The following CLMP variants were observed in gnomAD, a reference collection of about 807,000 sequenced individuals.
CLMP encodes CXADR-like membrane protein.
CLMP carries 27 observed loss-of-function variants against 45.2 expected under a neutral mutation model. The observed-to-expected ratio is 0.60, with a 90% CI of 0.44 to 0.82. CLMP has a LOEUF of 0.82. Ranked by LOEUF, CLMP falls within the 40% of genes least tolerant of loss-of-function variation. The probability of loss-of-function intolerance (pLI) is 0.00; values close to 1 mark genes in which losing one functional copy is unlikely to be tolerated. For synonymous variants in CLMP, 167 were observed against 171.4 expected (o/e 0.97, Z 0.20); for missense variants, 403 against 448.4 (o/e 0.90, Z 0.91).
At chr11:123,114,317 A>G (rs1190168504) in intron 1 of CLMP, among the ~76,000 whole-genome samples, 3 of 152,286 alleles carry the variant, frequency 2.0e-5, no homozygotes, top group South Asian at 2.1e-4. Context: ...CTAATAACGA[A>G]GAGAGAAGAT....
chr11:123,102,279 G>GTTT lies in CLMP; in HGVS notation c.29-4330_29-4328dup, dbSNP rs1174991262. Among the ~76,000 whole-genome samples, 278 of 120,896 alleles carry GTTT rather than the reference G, an allele frequency of 2.3e-3. 7 individuals are homozygous for GTTT. Among genetic ancestry groups the GTTT allele is most frequent in the Middle Eastern group, 4.4e-3 (1 of 226 alleles). The allele number at this position is 120,896 out of a possible 152,430, so 79.3% of individuals were successfully genotyped here. ...TTGGCCCTTTGAGCTATCTTTCCAG[G>GTTT]TTTTTTTTTTTTTTTTTTTTGAGAT... On this transcript the variant is annotated intron_variant, in intron 1 of 6. Coordinates refer to ENST00000448775, the MANE Select transcript of CLMP (RefSeq NM_024769.5).
In CLMP at chr11:123,152,424, G is replaced by GA. The variant is rs534492976; in HGVS notation, c.28+42488dup. Among the ~76,000 whole-genome samples, 306 of 152,164 alleles carry GA rather than the reference G, an allele frequency of 2.0e-3. 1 individual carries two copies. Among genetic ancestry groups the GA allele is most frequent in the African/African-American group, 7.1e-3 (295 of 41,498 alleles). On this transcript the variant is annotated intron_variant, in intron 1 of 6. Transcript: ENST00000448775. ...TGTAATCCCAGCTACTCAGGAGGCTGAGGCAGGAGAATCACTTGAACCCGG... is the reference window on the plus strand; with the variant it reads ...TGTAATCCCAGCTACTCAGGAGGCTGAAGGCAGGAGAATCACTTGAACCCGG...
rs142110733 is a variant in CLMP, at chr11:123,083,098, T to C, written c.666A>G (p.Arg222=). The change falls in exon 5 of 7, where the codon CGA becomes CGG. Residue 222 remains arginine, a synonymous_variant. Coordinates refer to ENST00000448775, the MANE Select transcript of CLMP (RefSeq NM_024769.5). ...NEAGKESCVV[R]VTVQYVQSIG... ...TTGGATGCTTACACTGTACAGTTAC[T>C]CGCACCACACAGCTTTCCTTCCCAG... The C allele has an allele frequency of 4.3e-5, 70 of 1,614,096 alleles. No individual in the cohort carries two copies. The highest frequency in any genetic ancestry group is 5.9e-5 in the Non-Finnish European group (70 of 1,180,038).
intron 1 of CLMP, among the ~76,000 whole-genome samples, chr11:123,119,201 A>G (rs1860777853): frequency 6.6e-6 from 1 of 151,454 alleles, no homozygotes; most frequent in African/African-American, 2.4e-5. Flanking sequence ...CCCCTGCCTC[A>G]GCCTCCCGAG....
chr11:123,126,758 G>A (rs1591468659), intron 1 of CLMP, among the ~76,000 whole-genome samples: 1 of 152,018 alleles, frequency 6.6e-6, no homozygotes, highest in Admixed American at 6.6e-5. Context: ...TTAGCCAGGC[G>A]TGGTGGTGGG....
intron 1 of CLMP, among the ~76,000 whole-genome samples, chr11:123,180,460 A>T (rs186901721): frequency 3.3e-5 from 5 of 152,234 alleles, no homozygotes; most frequent in Admixed American, 3.3e-4. Flanking sequence ...CCCTCACCAG[A>T]CACCTAACCT....
intron 1 of CLMP, among the ~76,000 whole-genome samples, chr11:123,181,558 T>G (rs756571634): frequency 2.6e-4 from 40 of 152,246 alleles, no homozygotes; most frequent in Non-Finnish European, 5.0e-4. Context: ...CGTCCTACTT[T>G]GTTCCCCAGT....
intron 5 of CLMP, among the ~76,000 whole-genome samples, chr11:123,078,191 T>A (rs553450675): frequency 9.0e-4 from 137 of 152,248 alleles, no homozygotes; most frequent in Non-Finnish European, 1.7e-3. Context: ...CACAGAAATA[T>A]TACTGGATAA....
At chr11:123,116,364 C>T (rs114282249) in intron 1 of CLMP, among the ~76,000 whole-genome samples, 3,625 of 151,878 alleles carry the variant, frequency 0.024, 151 homozygotes, top group African/African-American at 0.082. Flanking sequence ...ATCAGTAGTT[C>T]GAGAGCAGCC....
chr11:123,192,490 A>G (rs1479999360), intron 1 of CLMP, among the ~76,000 whole-genome samples: 2 of 152,086 alleles, frequency 1.3e-5, no homozygotes, highest in African/African-American at 4.8e-5. Context: ...TGGAGGAGAG[A>G]GGACAGGCAG....
chr11:123,169,019 G>C (rs956005081), intron 1 of CLMP, among the ~76,000 whole-genome samples: 13 of 152,146 alleles, frequency 8.5e-5, no homozygotes, highest in Admixed American at 1.3e-4. Flanking sequence ...ATAAGAGAGG[G>C]AGGGACAGAA....
intron 1 of CLMP, among the ~76,000 whole-genome samples, chr11:123,102,051 G>A (rs1169651981): frequency 6.6e-6 from 1 of 151,998 alleles, no homozygotes; most frequent in Admixed American, 6.6e-5. Flanking sequence ...CAGGCATGGC[G>A]GCCCAGCCTG....
intron 5 of CLMP, among the ~76,000 whole-genome samples, chr11:123,081,146 C>G (rs762315122): frequency 2.0e-5 from 3 of 151,062 alleles, no homozygotes; most frequent in Non-Finnish European, 2.9e-5. Flanking sequence ...GAGTGAGACT[C>G]TGTCTCAAAA....
intron 1 of CLMP, among the ~76,000 whole-genome samples, chr11:123,118,934 TTTCTTTCTTTCTTTCTTTCTTTCTTTC>T (rs1242423387): frequency 0.032 from 908 of 28,070 alleles, 37 homozygotes; most frequent in Admixed American, 0.1. Context: ...TTTTCTTTTC[TTTCTTTCTTTCTTTCTTTCTTTCTTTC>T]TTTCTTTCTT....
At chr11:123,132,904 C>T (rs1861012169) in intron 1 of CLMP, among the ~76,000 whole-genome samples, 1 of 151,898 alleles carries the variant, frequency 6.6e-6, no homozygotes, top group African/African-American at 2.4e-5. Context: ...CTCAGCCTTG[C>T]AAGTAGGCGT....
At chr11:123,157,276 G>A (rs909261421) in intron 1 of CLMP, among the ~76,000 whole-genome samples, 10 of 152,236 alleles carry the variant, frequency 6.6e-5, no homozygotes, top group Admixed American at 3.9e-4. Context: ...AAATGAGGGC[G>A]TGGCGTGGTG....
chr11:123,110,889 AT>A (rs548066603), intron 1 of CLMP, among the ~76,000 whole-genome samples: 74 of 152,300 alleles, frequency 4.9e-4, no homozygotes, highest in African/African-American at 1.8e-3. Flanking sequence ...TGAGTTTTCC[AT>A]TACTGGAGTC....
chr11:123,174,723 C>T (rs1476327212), intron 1 of CLMP, among the ~76,000 whole-genome samples: 1 of 152,022 alleles, frequency 6.6e-6, no homozygotes, highest in Non-Finnish European at 1.5e-5. Context: ...TTTTTAAGGC[C>T]CCATGAATTT....
At chr11:123,118,983 TTCTTTCTTTCTTTCTTTCTCTCTCTCTC>T (rs1860765091) in intron 1 of CLMP, among the ~76,000 whole-genome samples, 2 of 41,928 alleles carry the variant, frequency 4.8e-5, no homozygotes, top group Admixed American at 3.3e-4. Context: ...CTTTCTTTCT[TTCTTTCTTTCTTTCTTTCTCTCTCTCTC>T]TCTCTCTCTC....
Sources: gnomAD v4.1 joint callset for allele counts (sites outside exome capture counted in the v4.1 genomes callset) on GRCh38, gnomAD v4.1.1 for gene constraint, MANE v1.5 for transcripts, NCBI Gene and HGNC (gene_info 2026-07-23, HGNC 2026-07-21) for gene names.